The following XIRP2 variants were observed in gnomAD, a reference collection of about 807,000 sequenced individuals.
The protein encoded by XIRP2 is xin actin-binding repeat-containing protein 2.
In XIRP2, 236 loss-of-function variants were observed where a neutral mutation model predicts 277.0. The ratio of observed to expected loss-of-function variants is 0.85; its 90% CI spans 0.77 to 0.95. XIRP2 has a LOEUF of 0.95. XIRP2 is among the 40% of genes least tolerant of loss of function. The pLI, the probability that XIRP2 is intolerant of heterozygous loss-of-function variation, is 0.00. For synonymous variants in XIRP2, 1,490 were observed against 1,416.5 expected (o/e 1.05, Z -1.17); for missense variants, 4,640 against 4,157.5 (o/e 1.12, Z -3.19).
intron 2 of XIRP2, among the ~76,000 whole-genome samples, chr2:167,119,679 T>C (rs1690998262): frequency 6.6e-6 from 1 of 152,222 alleles, no homozygotes. Flanking sequence ...TTATGCATGA[T>C]GCCCACAATT....
intron 2 of XIRP2, among the ~76,000 whole-genome samples, chr2:166,937,075 C>G (rs1300174623): frequency 6.6e-6 from 1 of 151,246 alleles, no homozygotes; most frequent in Non-Finnish European, 1.5e-5. Flanking sequence ...TGTTTGTGTC[C>G]TGTTTTATTT....
chr2:167,200,107 C>A (rs1219425001), intron 3 of XIRP2, among the ~76,000 whole-genome samples: 1 of 152,168 alleles, frequency 6.6e-6, no homozygotes, highest in African/African-American at 2.4e-5. Context: ...CGTATTCAAA[C>A]TAACCAAACA....
At chr2:166,920,979 A>C (rs1685022287) in intron 2 of XIRP2, among the ~76,000 whole-genome samples, 1 of 152,134 alleles carries the variant, frequency 6.6e-6, no homozygotes, top group Admixed American at 6.6e-5. Flanking sequence ...AAATTGGTCT[A>C]ATCTAATAAA....
intron 2 of XIRP2, among the ~76,000 whole-genome samples, chr2:166,945,501 A>C (rs1685834543): frequency 6.6e-6 from 1 of 152,028 alleles, no homozygotes; most frequent in Admixed American, 6.6e-5. Flanking sequence ...TATCTAATTA[A>C]ATTTTTATAA....
chr2:167,198,873 C>T (rs1045270737), intron 3 of XIRP2, among the ~76,000 whole-genome samples: 2 of 151,980 alleles, frequency 1.3e-5, no homozygotes, highest in Non-Finnish European at 2.9e-5. Context: ...TCATTAAGTT[C>T]AAAAGAAAAA....
intron 2 of XIRP2, among the ~76,000 whole-genome samples, chr2:166,969,034 T>A: frequency 6.6e-6 from 1 of 152,126 alleles, no homozygotes; most frequent in African/African-American, 2.4e-5. Flanking sequence ...CTCTGGACCC[T>A]CTTCCCCGCA....
At chr2:167,111,113 A>G (rs1690741828) in intron 2 of XIRP2, among the ~76,000 whole-genome samples, 3 of 152,128 alleles carry the variant, frequency 2.0e-5, no homozygotes, top group Admixed American at 2.0e-4. Flanking sequence ...AATTACGTCA[A>G]CTGCAAAGAG....
chr2:167,237,141 ATTTAT>A (rs1694923291), intron 5 of XIRP2, among the ~76,000 whole-genome samples: 1 of 152,172 alleles, frequency 6.6e-6, no homozygotes, highest in Non-Finnish European at 1.5e-5. Flanking sequence ...TTTAAACAAA[ATTTAT>A]GTACATTTGT....
At chr2:167,039,120 A>C (rs1688590070) in intron 2 of XIRP2, among the ~76,000 whole-genome samples, 1 of 152,188 alleles carries the variant, frequency 6.6e-6, no homozygotes, top group Non-Finnish European at 1.5e-5. Context: ...GAAGATATAT[A>C]CATACACATA....
chr2:167,233,834 A>G (rs2105420952), intron 5 of XIRP2, among the ~76,000 whole-genome samples: 1 of 151,700 alleles, frequency 6.6e-6, no homozygotes, highest in South Asian at 2.1e-4. Flanking sequence ...ATTTGTGTCT[A>G]TGTTGGATTG....
intron 2 of XIRP2, among the ~76,000 whole-genome samples, chr2:166,973,871 G>A (rs1686643001): frequency 6.6e-6 from 1 of 152,092 alleles, no homozygotes; most frequent in Non-Finnish European, 1.5e-5. Context: ...TTTCCATTAA[G>A]TTTTGGATAT....
intron 2 of XIRP2, among the ~76,000 whole-genome samples, chr2:167,075,592 AT>A (rs1384387190): frequency 6.6e-6 from 1 of 152,148 alleles, no homozygotes; most frequent in Non-Finnish European, 1.5e-5. Flanking sequence ...AAGCATTATA[AT>A]TTATAGCCAG....
At chr2:167,003,952 A>G (rs1275498976) in intron 2 of XIRP2, among the ~76,000 whole-genome samples, 1 of 151,980 alleles carries the variant, frequency 6.6e-6, no homozygotes, top group Non-Finnish European at 1.5e-5. Flanking sequence ...TAGGATAACA[A>G]CATAAATTAT....
chr2:166,970,129 A>G (rs1277291331), intron 2 of XIRP2, among the ~76,000 whole-genome samples: 3 of 152,004 alleles, frequency 2.0e-5, no homozygotes, highest in Non-Finnish European at 2.9e-5. Flanking sequence ...TATTTTGAAG[A>G]GCATCTACAT....
chr2:167,112,046 T>C (rs940204726), intron 2 of XIRP2, among the ~76,000 whole-genome samples: 12 of 152,122 alleles, frequency 7.9e-5, no homozygotes, highest in Non-Finnish European at 1.6e-4. Flanking sequence ...ATTTAGACCT[T>C]CTCTCTTTTT....
rs144071626 is a variant in XIRP2 at position 167,241,884 on chromosome 2, A to T, written c.1150A>T (p.Met384Leu). 308 of 1,613,284 alleles carry T rather than the reference A, an allele frequency of 1.9e-4. 1 individual carries two copies. In the African/African-American group the frequency reaches 3.3e-3, roughly 17 times the overall value. The change falls in exon 8 of 11, where the codon ATG becomes TTG. Residue 384 changes from methionine to leucine, a missense_variant. Transcript: ENST00000409195. ...AAAGATCCTTTATTCTGACAAAGAGATGACAACCCCAGCCAAGCAGATTAA... is the reference window on the plus strand; with the variant it reads ...AAAGATCCTTTATTCTGACAAAGAGTTGACAACCCCAGCCAAGCAGATTAA... Reference protein sequence around the residue: ...QEKILYSDKEMTTPAKQIKTE... With the variant: ...QEKILYSDKELTTPAKQIKTE...
At chr2:167,171,965 G>A (rs73023917) in intron 3 of XIRP2, among the ~76,000 whole-genome samples, 15,041 of 151,928 alleles carry the variant, frequency 0.099, 802 homozygotes, top group South Asian at 0.16. Context: ...ATATATTTAC[G>A]GGGTACATGA....
chr2:167,083,228 A>G (rs929899371), intron 2 of XIRP2, among the ~76,000 whole-genome samples: 3 of 151,978 alleles, frequency 2.0e-5, no homozygotes, highest in African/African-American at 7.3e-5. Context: ...TGCTTTTCTC[A>G]GGTTTGTCAA....
At chr2:167,030,068 A>T (rs1241739318) in intron 2 of XIRP2, among the ~76,000 whole-genome samples, 1 of 152,006 alleles carries the variant, frequency 6.6e-6, no homozygotes, top group Non-Finnish European at 1.5e-5. Flanking sequence ...TCTCCGCTTT[A>T]TCATTTTTTA....
Sources: allele counts gnomAD v4.1 joint callset (sites outside exome capture counted in the v4.1 genomes callset), GRCh38; gene constraint gnomAD v4.1.1; transcripts MANE v1.5; gene names NCBI Gene and HGNC (gene_info 2026-07-23, HGNC 2026-07-21).